Variants in EIF4E3 observed in about 807,000 individuals in gnomAD.
The protein encoded by EIF4E3 is eukaryotic translation initiation factor 4E family member 3, also known as eukaryotic translation initiation factor 4E type 3.
In EIF4E3, 26 loss-of-function variants were observed where a neutral mutation model predicts 31.7. The observed-to-expected ratio is 0.82, with a 90% CI of 0.60 to 1.14. The LOEUF is 1.14. Ranked by LOEUF, EIF4E3 falls within the 50% of genes most tolerant of loss-of-function variation. EIF4E3 has a pLI of 0.00. For synonymous variants in EIF4E3, 128 were observed against 107.7 expected (o/e 1.19, Z -1.17); for missense variants, 304 against 270.9 (o/e 1.12, Z -0.86).
the EIF4E3 span, among the ~76,000 whole-genome samples, chr3:71,668,072 C>T: frequency 3.9e-3 from 594 of 152,224 alleles, 3 homozygotes; most frequent in African/African-American, 0.013. Flanking sequence ...ACCAATGGAA[C>T]AGAACAGAGG....
At chr3:71,752,793 G>T (rs1328114040) in intron 1 of EIF4E3, among the ~76,000 whole-genome samples, 1 of 152,228 alleles carries the variant, frequency 6.6e-6, no homozygotes, top group Non-Finnish European at 1.5e-5. Flanking sequence ...AGACGGGTTA[G>T]AAGGAGGCCC....
At chr3:71,700,004 C>T (rs2049193343) in intron 2 of EIF4E3, among the ~76,000 whole-genome samples, 1 of 152,104 alleles carries the variant, frequency 6.6e-6, no homozygotes, top group South Asian at 2.1e-4. Context: ...AAGATCCCAT[C>T]TCTACAAAAA....
intron 2 of EIF4E3, 86 bp downstream of exon 2, chr3:71,710,326 G>T: frequency 6.9e-7 from 1 of 1,443,428 alleles, no homozygotes; most frequent in Non-Finnish European, 9.5e-7. Context: ...GACAGGGGCT[G>T]CCAGCACAGC....
chr3:71,708,655 G>T (rs992693087), intron 2 of EIF4E3, among the ~76,000 whole-genome samples: 2 of 152,026 alleles, frequency 1.3e-5, no homozygotes, highest in African/African-American at 4.8e-5. Context: ...GCATAACCCT[G>T]ATGATCTAAT....
At position 71,681,009 on chromosome 3, in the gene EIF4E3, A is replaced by T. The variant is rs552614733; in HGVS notation, c.*3673T>A. On this transcript the variant is annotated 3_prime_UTR_variant, in exon 7 of 7. Coordinates refer to ENST00000425534, the MANE Select transcript of EIF4E3 (RefSeq NM_001134651.2). ...AACTCCTAATTTTCTCTCTTTGGGC[A>T]TAATATTTGATGAAATATTTTCCAT... is the stretch of plus-strand genomic sequence containing the variant. The T allele has an allele frequency of 6.4e-4, 98 of 152,346 alleles. No individual in the cohort carries two copies. The highest frequency in any genetic ancestry group is 1.8e-3 in the African/African-American group (75 of 41,574). 9.4% of individuals were successfully genotyped at this position (152,346 alleles called of 1,614,324 possible). A position where few individuals can be genotyped will look rare whatever the true frequency, so the allele number is the denominator to read the frequency against.
chr3:71,698,400 A>T (rs1400036245), intron 3 of EIF4E3, among the ~76,000 whole-genome samples: 1 of 152,210 alleles, frequency 6.6e-6, no homozygotes, highest in Non-Finnish European at 1.5e-5. Flanking sequence ...TCTCCTATCA[A>T]CCATGTATCA....
At chr3:71,734,917 G>T (rs1005335250) in intron 1 of EIF4E3, among the ~76,000 whole-genome samples, 2 of 152,004 alleles carry the variant, frequency 1.3e-5, no homozygotes, top group Non-Finnish European at 2.9e-5. Flanking sequence ...CCTCTAAAAT[G>T]GTTTTTTGGT....
Position 71,690,128 on chromosome 3 carries a change from G to T in EIF4E3, c.510C>A (p.Asp170Glu), listed in dbSNP as rs1473730443. 1 of 1,613,312 alleles carries T rather than the reference G, an allele frequency of 6.2e-7. No individual in the cohort carries two copies. The highest frequency in any genetic ancestry group is 8.5e-7 in the Non-Finnish European group (1 of 1,179,732). The stretch of plus-strand genomic sequence containing the variant: ...TCCAGACTTGGACGACGTCTTCTCG[G>T]TCCCGAACACTGACACTAACTCCTA... ...EVIGVSVSVR[D>E]REDVVQVWNV... Residue 170 changes from aspartate to glutamate, a missense_variant, in exon 6 of 7, where the codon GAC becomes GAA. Physicochemically the swap from Asp to Glu is conservative, Grantham distance 45 (BLOSUM62 2). Transcript: ENST00000425534.
At chr3:71,751,377 T>C (rs1302054712) in intron 1 of EIF4E3, among the ~76,000 whole-genome samples, 1 of 152,214 alleles carries the variant, frequency 6.6e-6, no homozygotes, top group African/African-American at 2.4e-5. Context: ...CATCTGGCCA[T>C]TACAATGATT....
At chr3:71,699,374 A>G (rs2049183043) in intron 3 of EIF4E3, among the ~76,000 whole-genome samples, 1 of 152,138 alleles carries the variant, frequency 6.6e-6, no homozygotes, top group Admixed American at 6.5e-5. Context: ...ATGACATGAC[A>G]TAAGGATTTA....
Position 71,746,912 on chromosome 3 carries a change from T to C in EIF4E3, c.-291+6551A>G, listed in dbSNP as rs368267583. On this transcript the variant is annotated intron_variant, in intron 1 of 7. Transcript: ENST00000295612. Reference sequence around the variant, plus strand: ...GGTCTTTCGTGTTTGACTTCTTTCATTGAGCACAGTATTTTCAAGGTTCAT... The same window carrying C: ...GGTCTTTCGTGTTTGACTTCTTTCACTGAGCACAGTATTTTCAAGGTTCAT... Among the ~76,000 whole-genome samples the C allele has an allele frequency of 2.1e-3, 314 of 152,348 alleles. 2 individuals carry two copies. Among genetic ancestry groups the C allele is most frequent in the South Asian group, 0.011 (54 of 4,834 alleles).
chr3:71,708,268 A>G (rs1368621152), intron 2 of EIF4E3, among the ~76,000 whole-genome samples: 4 of 152,172 alleles, frequency 2.6e-5, no homozygotes, highest in Non-Finnish European at 5.9e-5. Flanking sequence ...AAAATTCAGT[A>G]ACAGAATGAA....
chr3:71,745,965 G>GA (rs1306927038), intron 1 of EIF4E3, among the ~76,000 whole-genome samples: 1 of 151,906 alleles, frequency 6.6e-6, no homozygotes, highest in Non-Finnish European at 1.5e-5. Flanking sequence ...TTTCGATATT[G>GA]AAAGTGTTTA....
intron 1 of EIF4E3, among the ~76,000 whole-genome samples, chr3:71,739,925 T>C (rs1280458436): frequency 6.6e-6 from 1 of 152,066 alleles, no homozygotes; most frequent in Non-Finnish European, 1.5e-5. Flanking sequence ...GAAAAATCTA[T>C]GACAATAACA....
At chr3:71,754,754 C>T (rs771943435), upstream of EIF4E3, 26 of 1,348,184 alleles carry the variant, frequency 1.9e-5, no homozygotes, top group Non-Finnish European at 2.4e-5. The surrounding 1 kb of genome is among the most constrained non-coding windows in gnomAD (Gnocchi z 5.8). Context: ...CGGGCGCCAC[C>T]GGCCAGGCGG....
At chr3:71,720,003 G>T (rs1034237307) in intron 1 of EIF4E3, among the ~76,000 whole-genome samples, 1 of 151,586 alleles carries the variant, frequency 6.6e-6, no homozygotes, top group Non-Finnish European at 1.5e-5. Context: ...AACAGAGAAT[G>T]CCTGTCTCAA....
the EIF4E3 span, among the ~76,000 whole-genome samples, chr3:71,666,523 G>A: frequency 3.3e-5 from 5 of 152,110 alleles, no homozygotes; most frequent in East Asian, 9.6e-4. Context: ...TTACAAAGAG[G>A]AGCTGGTACC....
At chr3:71,718,577 A>C (rs1165429322) in intron 1 of EIF4E3, among the ~76,000 whole-genome samples, 1 of 152,216 alleles carries the variant, frequency 6.6e-6, no homozygotes, top group Non-Finnish European at 1.5e-5. Context: ...AGAAAGACCA[A>C]GTTGTGAACC....
At chr3:71,713,285 G>A (rs2049410828) in intron 1 of EIF4E3, among the ~76,000 whole-genome samples, 1 of 152,192 alleles carries the variant, frequency 6.6e-6, no homozygotes, top group Admixed American at 6.5e-5. Context: ...TTTGAATACA[G>A]GTGACCCATT....
Sources: allele counts gnomAD v4.1 joint callset (sites outside exome capture counted in the v4.1 genomes callset), GRCh38; gene constraint gnomAD v4.1.1; non-coding constraint Gnocchi (gnomAD v3.1); transcripts MANE v1.5; gene names NCBI Gene and HGNC (gene_info 2026-07-23, HGNC 2026-07-21).